SEMA5B: variants seen among roughly 807,000 people sequenced by gnomAD.
SEMA5B encodes semaphorin 5B.
SEMA5B carries 66 observed loss-of-function variants against 135.0 expected under a neutral mutation model. The ratio of observed to expected loss-of-function variants is 0.49; its 90% confidence interval spans 0.40 to 0.60. The LOEUF is 0.60. Ranked by LOEUF, SEMA5B falls within the 20% of genes least tolerant of loss-of-function variation. SEMA5B has a pLI of 0.00. For missense variants in SEMA5B, 1,501 were observed against 1,566.3 expected, an observed-to-expected ratio of 0.96 and a Z score of 0.70; for synonymous variants, 690 against 639.5, an observed-to-expected ratio of 1.08 and a Z score of -1.19.
intron 1 of SEMA5B, among the ~76,000 whole-genome samples, chr3:123,011,770 G>A (rs1942443030): frequency 6.6e-6 from 1 of 152,188 alleles, no homozygotes; most frequent in African/African-American, 2.4e-5. Flanking sequence ...GAGAGAGGAG[G>A]AGGCCATGGC....
Position 122,922,411 on chromosome 3 carries a change from G to C in SEMA5B, c.1309C>G (p.Leu437Val). 1 of 1,609,978 alleles carries C rather than the reference G, an allele frequency of 6.2e-7. No individual in the cohort carries two copies. Among genetic ancestry groups the C allele is most frequent in the Non-Finnish European group, 8.5e-7 (1 of 1,178,564 alleles). The change falls in exon 11 of 23, where the codon CTG (leucine) becomes GTG (valine). Residue 437 changes from leucine to valine, a missense_variant. This residue lies in a region of SEMA5B where 574 missense variants were observed against 684.7 expected (regional missense o/e 0.84). Coordinates refer to ENST00000357599, the MANE Select transcript of SEMA5B (RefSeq NM_001031702.4). ...TLPETGPNEN[L>V]TERSLQDAQR... ...GCGTCCTGCAGGCTGCGCTCCGTCA[G>C]GTTCTCGTTGGGACCGGTCTCAGGC...
chr3:122,969,293 T>A (rs552068442), intron 1 of SEMA5B, among the ~76,000 whole-genome samples: 1 of 152,266 alleles, frequency 6.6e-6, no homozygotes, highest in African/African-American at 2.4e-5. Context: ...GCTTCCCACC[T>A]CCTTCCAGGG....
At chr3:122,953,949 A>G (rs1195253565) in intron 2 of SEMA5B, among the ~76,000 whole-genome samples, 1 of 152,248 alleles carries the variant, frequency 6.6e-6, no homozygotes, top group African/African-American at 2.4e-5. Context: ...CAGACAATTC[A>G]GGTCTCTCCC....
chr3:122,939,807 C>T (rs1939473276), intron 4 of SEMA5B, among the ~76,000 whole-genome samples: 1 of 152,162 alleles, frequency 6.6e-6, no homozygotes, highest in African/African-American at 2.4e-5. Flanking sequence ...CTGGGAGGAA[C>T]CCCTTGACCC....
rs544348386 is a variant in SEMA5B at position 122,990,252 on chromosome 3, C to T, written c.-38-28951G>A. Among the ~76,000 whole-genome samples the T allele has an allele frequency of 1.9e-4, 29 of 152,296 alleles. No individual in the cohort carries two copies. In the South Asian group the frequency reaches 5.8e-3, roughly 31 times the overall value. On this transcript the variant is annotated intron_variant, in intron 1 of 22. Transcript: ENST00000357599. Reference sequence around the variant, plus strand: ...AGGGGGAGGTGGGGATCCTGCCCTCCACCTTTGAGGACAAGTTTCTGCAGA... The same window carrying T: ...AGGGGGAGGTGGGGATCCTGCCCTCTACCTTTGAGGACAAGTTTCTGCAGA...
intron 18 of SEMA5B, 92 bp downstream of exon 18, chr3:122,912,751 A>G (rs1368140182): frequency 8.0e-7 from 1 of 1,249,964 alleles, no homozygotes; most frequent in African/African-American, 1.5e-5. Flanking sequence ...TCACCTGGGC[A>G]TTGGGGTTCC....
Position 122,911,968 on chromosome 3 carries a change from C to A in SEMA5B, c.2998G>T (p.Ala1000Ser), listed in dbSNP as rs532067384. The change falls in exon 20 of 23, where the codon GCT becomes TCT. Residue 1000 changes from alanine (A) to serine (S), a missense_variant. Ala to Ser is a moderately conservative substitution (Grantham distance 99). Coordinates refer to ENST00000357599, the MANE Select transcript of SEMA5B (RefSeq NM_001031702.4). ...GGGCGGCTCTGGCTGCTGTTTCCAG[C>A]ACAGGCGCTGGACCCTGGGAGGAGC... The part of the protein sequence containing the change: ...EELLPGSSAC[A>S]GNSSQSRPCP... The A allele has an allele frequency of 1.9e-6, 3 of 1,612,302 alleles. No homozygotes were observed. The African/African-American group carries it at 4.0e-5, about 21-fold the overall frequency.
At chr3:122,955,114 CTT>C (rs551570476) in intron 2 of SEMA5B, among the ~76,000 whole-genome samples, 13 of 143,762 alleles carry the variant, frequency 9.0e-5, no homozygotes. Flanking sequence ...TCATCTTCTT[CTT>C]TTTTTTTTTT....
rs149066514 is a variant in SEMA5B, at chr3:122,913,911, G to A, written c.2079C>T (p.Asn693=). The A allele has an allele frequency of 1.2e-5, 20 of 1,612,766 alleles. No homozygotes were observed. The African/African-American group carries it at 1.6e-4, about 13-fold the overall frequency. Residue 693 remains asparagine (N), a synonymous_variant, in exon 15 of 23, where the codon AAC becomes AAT. Coordinates refer to ENST00000357599, the MANE Select transcript of SEMA5B (RefSeq NM_001031702.4). Reference sequence around the variant, plus strand: ...TGCGGCCCCCGTGGCGGGGAGCAGGGTTGCTGCAACTTCGCTGGCGGACCT... The same window carrying A: ...TGCGGCCCCCGTGGCGGGGAGCAGGATTGCTGCAACTTCGCTGGCGGACCT... The part of the protein sequence containing the change: ...GFQVRQRSCS[N]PAPRHGGRIC...
rs1021304269 is a variant in SEMA5B at position 122,983,734 on chromosome 3, A to G, written c.-38-22433T>C. 9.2e-3 allele frequency among the ~76,000 whole-genome samples: 1,307 copies of G among 141,554 alleles called. 2 individuals are homozygous for G. Among genetic ancestry groups the G allele is most frequent in the South Asian group, 0.018 (80 of 4,346 alleles). The allele number at this position is 141,554 out of a possible 152,430, so 92.9% of individuals were successfully genotyped here. On this transcript the variant is annotated intron_variant, in intron 1 of 22. Coordinates refer to ENST00000357599, the MANE Select transcript of SEMA5B (RefSeq NM_001031702.4). ...CTCGTCTCAAAAAAAAAAAAAAAAA[A>G]AAAAAAAAAAAAAAAAAAGGTAGAT...
At chr3:123,015,865 G>C (rs1357507257) in intron 1 of SEMA5B, among the ~76,000 whole-genome samples, 1 of 152,178 alleles carries the variant, frequency 6.6e-6, no homozygotes, top group Non-Finnish European at 1.5e-5. Flanking sequence ...AGCCTGGCTT[G>C]ACACCAGCAA....
chr3:122,987,537 G>A (rs1245134693), intron 1 of SEMA5B, among the ~76,000 whole-genome samples: 2 of 152,160 alleles, frequency 1.3e-5, no homozygotes, highest in East Asian at 3.8e-4. Flanking sequence ...GAGATGTTTG[G>A]GCATTCTGCT....
At chr3:123,003,306 C>T (rs1163673239) in intron 1 of SEMA5B, among the ~76,000 whole-genome samples, 2 of 152,186 alleles carry the variant, frequency 1.3e-5, no homozygotes, top group African/African-American at 4.8e-5. Context: ...CTTGCACCCA[C>T]ACACTATTAG....
chr3:123,006,094 A>G (rs9874307), intron 1 of SEMA5B, among the ~76,000 whole-genome samples: 126,343 of 152,260 alleles, frequency 0.83, 52,981 homozygotes, highest in African/African-American at 0.96. Flanking sequence ...CTGTCAACCT[A>G]AAAGCACTGT....
In SEMA5B at chr3:122,913,679, A is replaced by G. The variant is rs1314350088; in HGVS notation, c.2135T>C (p.Phe712Ser). The change falls in exon 16 of 23, where the codon TTC (phenylalanine) becomes TCC (serine). Residue 712 changes from phenylalanine (F) to serine (S), a missense_variant and splice_region_variant. Physicochemically the swap from Phe to Ser is radical, Grantham distance 155. Transcript: ENST00000357599. Reference sequence around the variant, plus strand: ...CGGGCAAGGCGTGTTCTCATTACAGAACCTGGGGTCGGGGGAGAGGCGTCA... The same window carrying G: ...CGGGCAAGGCGTGTTCTCATTACAGGACCTGGGGTCGGGGGAGAGGCGTCA... Reference protein sequence around the residue: ...ICVGKSREERFCNENTPCPVP... With the variant: ...ICVGKSREERSCNENTPCPVP... 1.9e-6 allele frequency: 3 copies of G among 1,613,480 alleles called. No individual in the cohort carries two copies. Among genetic ancestry groups the G allele is most frequent in the Non-Finnish European group, 2.5e-6 (3 of 1,179,864 alleles).
At chr3:122,941,344 G>T (rs1275239820) in intron 4 of SEMA5B, among the ~76,000 whole-genome samples, 1 of 152,202 alleles carries the variant, frequency 6.6e-6, no homozygotes. Flanking sequence ...TCTTTGTGTG[G>T]GAAGCCTCCA....
intron 2 of SEMA5B, among the ~76,000 whole-genome samples, chr3:122,956,041 C>T (rs1041035230): frequency 6.6e-6 from 1 of 152,194 alleles, no homozygotes; most frequent in Admixed American, 6.5e-5. Flanking sequence ...CCCATGGCCC[C>T]GGGTCTGGAT....
At chr3:122,971,021 C>T (rs1941091457) in intron 1 of SEMA5B, among the ~76,000 whole-genome samples, 1 of 152,176 alleles carries the variant, frequency 6.6e-6, no homozygotes, top group African/African-American at 2.4e-5. Context: ...TGCCTCCTTC[C>T]AAAGGGAATG....
In SEMA5B at chr3:122,915,779, G is replaced by A. The variant is rs139024907; in HGVS notation, c.1800C>T (p.Ala600=). 1 of 1,613,788 alleles carries A rather than the reference G, an allele frequency of 6.2e-7. No homozygotes were observed. Among genetic ancestry groups the A allele is most frequent in the African/African-American group, 1.3e-5 (1 of 74,912 alleles). The part of the protein sequence containing the change: ...NMSLWTQNIT[A]CPVRNVTRDG... ...GACACAAGGGGATTCTCACAGGACAGGCGGTGATGTTCTGGGTCCAGAGGC... is the reference window on the plus strand; with the variant it reads ...GACACAAGGGGATTCTCACAGGACAAGCGGTGATGTTCTGGGTCCAGAGGC... Residue 600 remains alanine, a synonymous_variant, in exon 13 of 23, where the codon GCC becomes GCT. Coordinates refer to ENST00000357599, the MANE Select transcript of SEMA5B (RefSeq NM_001031702.4).
Sources: gnomAD v4.1 joint callset for allele counts (sites outside exome capture counted in the v4.1 genomes callset) on GRCh38, gnomAD v4.1.1 for gene constraint, gnomAD v4.1.1 regional missense constraint, MANE v1.5 for transcripts, NCBI Gene and HGNC (gene_info 2026-07-23, HGNC 2026-07-21) for gene names.